The following BLTP1 variants were observed in gnomAD, a reference collection of about 807,000 sequenced individuals.
The protein encoded by BLTP1 is fragile site-associated protein.
At chr4:122,247,651 T>C in the BLTP1 span, 1 of 1,187,060 alleles carries the variant, frequency 8.4e-7, no homozygotes, top group Non-Finnish European at 1.1e-6. Flanking sequence ...ATTTACTTGC[T>C]CGTTATAGAA....
chr4:122,336,120 A>C, the BLTP1 span: 1 of 1,272,038 alleles, frequency 7.9e-7, no homozygotes, highest in African/African-American at 1.5e-5. Context: ...ATTAAACTTT[A>C]ATATAATTCA....
At chr4:122,226,909 T>G in the BLTP1 span, 2 of 1,187,666 alleles carry the variant, frequency 1.7e-6, no homozygotes, top group African/African-American at 3.2e-5. Context: ...AGATATCAGC[T>G]TCAAGTCAAA....
At chr4:122,234,304 G>A in the BLTP1 span, 604 of 251,702 alleles carry the variant, frequency 2.4e-3, 7 homozygotes, top group African/African-American at 0.013. Context: ...TTTCTTAGTT[G>A]CTTCATATTT....
the BLTP1 span, chr4:122,243,020 C>G: frequency 6.2e-7 from 1 of 1,610,030 alleles, no homozygotes; most frequent in African/African-American, 1.3e-5. Flanking sequence ...GGGCTCACAG[C>G]TAATTCTTTG....
the BLTP1 span, chr4:122,207,079 C>T: frequency 6.4e-7 from 1 of 1,556,522 alleles, no homozygotes; most frequent in Non-Finnish European, 8.7e-7. Flanking sequence ...ACTAACTTTA[C>T]AATTTCTATT....
the BLTP1 span, among the ~76,000 whole-genome samples, chr4:122,191,704 A>G: frequency 6.6e-6 from 1 of 152,136 alleles, no homozygotes; most frequent in African/African-American, 2.4e-5. Flanking sequence ...AAAGAAGAGT[A>G]TTAAAAATTA....
At chr4:122,238,611 A>G in the BLTP1 span, among the ~76,000 whole-genome samples, 1 of 152,224 alleles carries the variant, frequency 6.6e-6, no homozygotes, top group South Asian at 2.1e-4. Context: ...CTCAGAGTGA[A>G]TCACTGTTAA....
the BLTP1 span, chr4:122,306,468 A>T: frequency 1.6e-6 from 1 of 644,804 alleles, no homozygotes; most frequent in African/African-American, 2.0e-5. Flanking sequence ...AACAAAGTAG[A>T]CTACACAGTG....
chr4:122,155,941 T>A, the BLTP1 span: 1 of 888,740 alleles, frequency 1.1e-6, no homozygotes, highest in South Asian at 5.2e-5. Flanking sequence ...TGAGGGAAAA[T>A]GAAGTCAGGG....
At chr4:122,315,447 T>A in the BLTP1 span, 9 of 1,613,694 alleles carry the variant, frequency 5.6e-6, no homozygotes, top group Admixed American at 8.3e-5. Flanking sequence ...AAATGCAACT[T>A]CTTTATTTAA....
chr4:122,160,763 A>T, the BLTP1 span, among the ~76,000 whole-genome samples: 2 of 152,228 alleles, frequency 1.3e-5, no homozygotes, highest in Admixed American at 1.3e-4. Flanking sequence ...AAAGATAAAC[A>T]ATCTGTTCAG....
At chr4:122,336,443 C>A in the BLTP1 span, 1 of 820,556 alleles carries the variant, frequency 1.2e-6, no homozygotes, top group Non-Finnish European at 1.8e-6. Flanking sequence ...TACATTATTA[C>A]ATAATATATG....
the BLTP1 span, chr4:122,209,352 T>G: frequency 6.2e-7 from 1 of 1,608,590 alleles, no homozygotes; most frequent in Non-Finnish European, 8.5e-7. Flanking sequence ...GTACGTAAAA[T>G]TAGTGACACA....
chr4:122,231,675 T>C, the BLTP1 span: 1 of 967,316 alleles, frequency 1.0e-6, no homozygotes, highest in African/African-American at 1.8e-5. Flanking sequence ...TTTTTTCTTT[T>C]CCTTTTTCTT....
At chr4:122,185,215 C>G in the BLTP1 span, 1 of 981,934 alleles carries the variant, frequency 1.0e-6, no homozygotes, top group Non-Finnish European at 1.2e-6. Context: ...GTTTTGTAAA[C>G]TCCATAGTTT....
chr4:122,261,637 A>T, the BLTP1 span: 20,343 of 984,628 alleles, frequency 0.021, 252 homozygotes, highest in Non-Finnish European at 0.023. Flanking sequence ...AGTAGGAAGG[A>T]TAATTTAGTG....
chr4:122,318,979 C>T, the BLTP1 span, among the ~76,000 whole-genome samples: 8 of 152,060 alleles, frequency 5.3e-5, no homozygotes, highest in Non-Finnish European at 8.8e-5. Flanking sequence ...TTCAAGGAAT[C>T]GGTCTATTTC....
the BLTP1 span, chr4:122,334,257 A>G: frequency 2.6e-4 from 324 of 1,231,768 alleles, no homozygotes; most frequent in African/African-American, 6.0e-4. Context: ...CTGACTTCCA[A>G]TGTTCTTTCT....
At chr4:122,188,931 TAGAA>T in the BLTP1 span, 1 of 985,138 alleles carries the variant, frequency 1.0e-6, no homozygotes, top group African/African-American at 1.7e-5. Context: ...GCTAGAATGA[TAGAA>T]AGAGGGTTTT....
Sources: gnomAD v4.1 joint callset for allele counts (sites outside exome capture counted in the v4.1 genomes callset) on GRCh38, gnomAD v4.1.1 for gene constraint, MANE v1.5 for transcripts, NCBI Gene and HGNC (gene_info 2026-07-23, HGNC 2026-07-21) for gene names.